PTPRF: variants seen among roughly 807,000 people sequenced by gnomAD.
PTPRF encodes the protein receptor-type tyrosine-protein phosphatase F.
A neutral mutation model predicts 201.8 loss-of-function variants in PTPRF; 59 were observed. That is an observed-to-expected ratio of 0.29 (90% CI 0.24 to 0.36). The LOEUF is 0.36. Among genes scored for constraint, PTPRF ranks in the 10% least tolerant of loss-of-function variants. The pLI is 1.00. For missense variants in PTPRF, 2,132 were observed against 2,690.5 expected (o/e 0.79, Z 4.59); for synonymous variants, 1,088 against 1,089.7 (o/e 1.00, Z 0.03).
In PTPRF at chr1:43,603,724, T is replaced by A. The variant is rs756642128; in HGVS notation, c.2572T>A (p.Cys858Ser). ...GCTGCTGGGCTACCGGCTGCAGTAC[T>A]GCCGGGCCGACGAGGCGCGGCCCAA... The part of the protein sequence containing the change: ...GELLGYRLQY[C>S]RADEARPNTI... The change falls in exon 16 of 34, where the codon TGC becomes AGC. Residue 858 changes from cysteine to serine, a missense_variant. Physicochemically the swap from Cys to Ser is moderately radical, Grantham distance 112 (BLOSUM62 -1). Coordinates refer to ENST00000359947, the MANE Select transcript of PTPRF (RefSeq NM_002840.5). The surrounding 1 kb of genome is among the most constrained non-coding windows in gnomAD (Gnocchi z 5.8). 2.5e-6 allele frequency: 4 copies of A among 1,613,642 alleles called. No homozygotes were observed. The African/African-American group carries it at 5.3e-5, about 22-fold the overall frequency.
At chr1:43,581,396 G>T (rs1647588142) in intron 7 of PTPRF, among the ~76,000 whole-genome samples, 1 of 152,194 alleles carries the variant, frequency 6.6e-6, no homozygotes, top group African/African-American at 2.4e-5. Context: ...TGATGTCTCA[G>T]GACCGTTTCT....
At position 43,583,030 on chromosome 1, in the gene PTPRF, C is replaced by T. The variant is rs1193304425; in HGVS notation, c.679+4110C>T. 8.2e-6 allele frequency: 8 copies of T among 971,820 alleles called. No individual in the cohort carries two copies. In the East Asian group the frequency reaches 9.1e-4, roughly 111 times the overall value. 60.2% of individuals were successfully genotyped at this position (971,820 alleles called of 1,614,324 possible). On this transcript the variant is annotated intron_variant, in intron 7 of 33. Transcript: ENST00000359947. ...TGTTTCTCCTTGTCTTTTTTTTATTCCCTCCTCATCTTCATCGCACTCTGC... is the reference window on the plus strand; with the variant it reads ...TGTTTCTCCTTGTCTTTTTTTTATTTCCTCCTCATCTTCATCGCACTCTGC...
At chr1:43,587,865 G>A (rs924545271) in intron 7 of PTPRF, among the ~76,000 whole-genome samples, 9 of 152,180 alleles carry the variant, frequency 5.9e-5, no homozygotes, top group Admixed American at 2.0e-4. Context: ...TTCGGGGGCG[G>A]GTGGTTCTAG....
At position 43,609,380 on chromosome 1, in the gene PTPRF, T is replaced by C. The variant is rs748692711; in HGVS notation, c.3858-3T>C. The C allele has an allele frequency of 4.3e-6, 7 of 1,613,304 alleles. No individual in the cohort carries two copies. In the Admixed American group the frequency reaches 1.2e-4, roughly 27 times the overall value. ...CTCACCAGCCTCCCTTCTGTCTCTC[T>C]AGGAAAAGGACCCACTCTCCGTCCT... On this transcript the variant is annotated splice_region_variant and splice_polypyrimidine_tract_variant and intron_variant, in intron 21 of 33. Transcript: ENST00000359947.
At chr1:43,568,161 G>C (rs1477886554) in intron 5 of PTPRF, among the ~76,000 whole-genome samples, 1 of 152,144 alleles carries the variant, frequency 6.6e-6, no homozygotes, top group Admixed American at 6.5e-5. Flanking sequence ...CGGGCGTGGT[G>C]GTGGGCGCTT....
At position 43,604,138 on chromosome 1, in the gene PTPRF, T is replaced by C; in HGVS notation, c.2986T>C (p.Ser996Pro). The C allele has an allele frequency of 1.2e-6, 2 of 1,614,106 alleles. No homozygotes were observed. The highest frequency in any genetic ancestry group is 2.2e-5 in the South Asian group (2 of 91,086). The change falls in exon 16 of 34, where the codon TCT becomes CCT. Residue 996 changes from serine to proline, a missense_variant. Transcript: ENST00000359947. ...IKVRAWTSKG[S>P]GPLSPSIQSR... Reference sequence around the variant, plus strand: ...GGTCCGCGCATGGACCAGCAAAGGCTCTGGCCCACTCAGCCCCAGCATCCA... The same window carrying C: ...GGTCCGCGCATGGACCAGCAAAGGCCCTGGCCCACTCAGCCCCAGCATCCA...
At chr1:43,594,100 G>A (rs1651597229) in intron 11 of PTPRF, among the ~76,000 whole-genome samples, 1 of 152,342 alleles carries the variant, frequency 6.6e-6, no homozygotes, top group East Asian at 1.9e-4. Context: ...CATGCTGCCA[G>A]CCCTGTACCG....
chr1:43,607,695 T>C (rs1194301347), intron 21 of PTPRF, among the ~76,000 whole-genome samples: 1 of 152,198 alleles, frequency 6.6e-6, no homozygotes, highest in African/African-American at 2.4e-5. Context: ...CCTGCCACAC[T>C]CCTGACATTG....
At chr1:43,566,770 C>G (rs1489296462) in intron 5 of PTPRF, among the ~76,000 whole-genome samples, 1 of 152,166 alleles carries the variant, frequency 6.6e-6, no homozygotes, top group African/African-American at 2.4e-5. Flanking sequence ...GAGTGGCAGA[C>G]TTCCGAGTGC....
chr1:43,593,980 G>T (rs1428968360), intron 11 of PTPRF, among the ~76,000 whole-genome samples: 1 of 151,934 alleles, frequency 6.6e-6, no homozygotes, highest in African/African-American at 2.4e-5. Context: ...GCAAAACTCC[G>T]TCTTGAAAAA....
intron 6 of PTPRF, chr1:43,575,912 G>C: frequency 1.5e-6 from 2 of 1,364,228 alleles, no homozygotes; most frequent in Non-Finnish European, 2.0e-6. Flanking sequence ...CTCGCCAGGT[G>C]GTTCACCAAT....
intron 3 of PTPRF, among the ~76,000 whole-genome samples, chr1:43,549,509 T>A (rs1395144580): frequency 6.6e-6 from 1 of 152,180 alleles, no homozygotes; most frequent in Non-Finnish European, 1.5e-5. Flanking sequence ...AGCTGTGTGC[T>A]CTGCACAGTG....
At chr1:43,604,646 C>T (rs548822031) in intron 16 of PTPRF, among the ~76,000 whole-genome samples, 25 of 152,314 alleles carry the variant, frequency 1.6e-4, no homozygotes, top group African/African-American at 6.0e-4. Context: ...TTTACACTCG[C>T]GTTTCTGGAG....
At chr1:43,565,724 C>T (rs1223991522) in intron 5 of PTPRF, among the ~76,000 whole-genome samples, 2 of 152,024 alleles carry the variant, frequency 1.3e-5, no homozygotes, top group Non-Finnish European at 2.9e-5. Context: ...GTCGGTGAAG[C>T]GGGAAAGCCT....
rs980195011 is a variant in PTPRF, at chr1:43,623,283, A to T, written c.*1280A>T. 2 of 152,682 alleles carry T rather than the reference A, an allele frequency of 1.3e-5. No homozygotes were observed. The highest frequency in any genetic ancestry group is 4.8e-5 in the African/African-American group (2 of 41,434). The allele number at this position is 152,682 out of a possible 1,614,324, so 9.5% of individuals were successfully genotyped here. On this transcript the variant is annotated 3_prime_UTR_variant, in exon 34 of 34. Transcript: ENST00000359947. Reference sequence around the variant, plus strand: ...CTCTTTTCCACTCCAAGATGCCCTCATAAACCAATGTGGCAAGACTACTGG... The same window carrying T: ...CTCTTTTCCACTCCAAGATGCCCTCTTAAACCAATGTGGCAAGACTACTGG...
In PTPRF at chr1:43,543,872, C is replaced by T. The variant is rs144766441; in HGVS notation, c.-45-1159C>T. On this transcript the variant is annotated intron_variant, in intron 2 of 33. Transcript: ENST00000359947. Reference sequence around the variant, plus strand: ...CGTCTTCACAGCATTCATGAGGGATCGACCACGTCTCACCCCTCTGCCCAG... The same window carrying T: ...CGTCTTCACAGCATTCATGAGGGATTGACCACGTCTCACCCCTCTGCCCAG... Among the ~76,000 whole-genome samples, 261 of 152,316 alleles carry T rather than the reference C, an allele frequency of 1.7e-3. 1 individual carries two copies. In the Middle Eastern group the frequency reaches 0.048, roughly 28 times the overall value.
chr1:43,613,521 A>T lies in PTPRF; in HGVS notation c.3974-97A>T, dbSNP rs148192098. 4 of 986,146 alleles carry T rather than the reference A, an allele frequency of 4.1e-6. No individual in the cohort carries two copies. In the East Asian group the frequency reaches 9.6e-5, roughly 24 times the overall value. The allele number at this position is 986,146 out of a possible 1,614,324, so 61.1% of individuals were successfully genotyped here. Reference sequence around the variant, plus strand: ...CCAGTTCCAAGTGCTCCATGGTCACACATGTTCACATGTGCACATACATGC... The same window carrying T: ...CCAGTTCCAAGTGCTCCATGGTCACTCATGTTCACATGTGCACATACATGC... On this transcript the variant is annotated intron_variant, in intron 22 of 33. Transcript: ENST00000359947.
intron 24 of PTPRF, 33 bp from the exon 25 acceptor site, chr1:43,617,703 G>A (rs1658207418): frequency 6.2e-7 from 1 of 1,605,410 alleles, no homozygotes; most frequent in Non-Finnish European, 8.5e-7. Flanking sequence ...GGACCCTGTA[G>A]TAATGCCCTC....
chr1:43,534,455 T>A (rs1189002479), intron 1 of PTPRF, among the ~76,000 whole-genome samples: 1 of 152,172 alleles, frequency 6.6e-6, no homozygotes, highest in African/African-American at 2.4e-5. Flanking sequence ...TGGTGCCATC[T>A]TGAAGGTACA....
Sources: gnomAD v4.1 joint callset for allele counts (sites outside exome capture counted in the v4.1 genomes callset) on GRCh38, gnomAD v4.1.1 for gene constraint, Gnocchi (gnomAD v3.1) non-coding constraint, MANE v1.5 for transcripts, NCBI Gene and HGNC (gene_info 2026-07-23, HGNC 2026-07-21) for gene names.